The following SGCB variants were observed in gnomAD, a reference collection of about 807,000 sequenced individuals.
SGCB encodes sarcoglycan beta.
A neutral mutation model predicts 27.3 loss-of-function variants in SGCB; 25 were observed. The ratio of observed to expected loss-of-function variants is 0.92; its 90% CI spans 0.67 to 1.28. The LOEUF (loss-of-function observed/expected upper bound fraction) is 1.28. Ranked by LOEUF, SGCB falls within the 50% of genes most tolerant of loss-of-function variation. The pLI, the probability that SGCB is intolerant of heterozygous loss-of-function variation, is 0.00. For missense variants in SGCB, 436 were observed against 402.1 expected, an observed-to-expected ratio of 1.08 and a Z score of -0.72; for synonymous variants, 147 against 133.5, an observed-to-expected ratio of 1.10 and a Z score of -0.70.
intron 2 of SGCB, among the ~76,000 whole-genome samples, chr4:52,032,224 G>A (rs975216005): frequency 6.6e-6 from 1 of 152,118 alleles, no homozygotes; most frequent in African/African-American, 2.4e-5. Context: ...TCTGTTTTCA[G>A]TTCTTGCCTC....
At position 52,022,277 on chromosome 4, in the gene SGCB, G is replaced by T. The variant is rs1260412253; in HGVS notation, c.*1680C>A. 1 of 152,180 alleles carries T rather than the reference G, an allele frequency of 6.6e-6. No individual in the cohort carries two copies. Among genetic ancestry groups the T allele is most frequent in the Non-Finnish European group, 1.5e-5 (1 of 68,024 alleles). The allele number at this position is 152,180 out of a possible 1,614,324, so 9.4% of individuals were successfully genotyped here. A position where few individuals can be genotyped will look rare whatever the true frequency, so the allele number is the denominator to read the frequency against. On this transcript the variant is annotated 3_prime_UTR_variant, in exon 6 of 6. Coordinates refer to ENST00000381431, the MANE Select transcript of SGCB (RefSeq NM_000232.5). ...TCTAAGGTATTTGATTTTTCTACCA[G>T]AGAGAAATGTGACAATATTGAATAC...
chr4:52,025,966 C>G (rs1415354257), intron 5 of SGCB, among the ~76,000 whole-genome samples: 4 of 152,136 alleles, frequency 2.6e-5, no homozygotes, highest in Admixed American at 2.6e-4. Flanking sequence ...AGATGCCTAT[C>G]AGATATCAAA....
chr4:52,034,774 G>A (rs1578128565), intron 1 of SGCB, among the ~76,000 whole-genome samples: 3 of 152,056 alleles, frequency 2.0e-5, no homozygotes, highest in East Asian at 3.9e-4. Flanking sequence ...GTCCTGGGAG[G>A]GTTCCACAAA....
chr4:52,027,893 T>C, intron 5 of SGCB, 75 bp downstream of exon 5: 2 of 1,332,438 alleles, frequency 1.5e-6, no homozygotes, highest in African/African-American at 1.4e-5. Context: ...TTTCAATAAT[T>C]GTATACTATT....
At chr4:52,031,567 G>T (rs1434422730) in intron 2 of SGCB, among the ~76,000 whole-genome samples, 6 of 151,692 alleles carry the variant, frequency 4.0e-5, no homozygotes, top group Non-Finnish European at 7.4e-5. Flanking sequence ...CTTTTAAATG[G>T]CATGTTATTC....
At chr4:52,030,215 T>C (rs1451457661) in intron 2 of SGCB, among the ~76,000 whole-genome samples, 2 of 152,206 alleles carry the variant, frequency 1.3e-5, no homozygotes, top group Admixed American at 1.3e-4. Context: ...GTATTTCTTC[T>C]AAACATATAT....
chr4:52,024,169 A>G lies in SGCB; in HGVS notation c.754-9T>C. 1 of 1,607,598 alleles carries G rather than the reference A, an allele frequency of 6.2e-7. No individual in the cohort carries two copies. The highest frequency in any genetic ancestry group is 8.5e-7 in the Non-Finnish European group (1 of 1,174,710). The stretch of plus-strand genomic sequence containing the variant: ...AGGATGATACTGTTTTCCTATTAGG[A>G]GAATAGTAATATGATTTATTTACCT... On this transcript the variant is annotated splice_polypyrimidine_tract_variant and intron_variant, in intron 5 of 5. Transcript: ENST00000381431.
intron 1 of SGCB, among the ~76,000 whole-genome samples, chr4:52,034,463 G>C (rs1737334093): frequency 6.9e-6 from 1 of 145,602 alleles, no homozygotes; most frequent in Non-Finnish European, 1.5e-5. Context: ...TGTTTACATA[G>C]TGTTTACATT....
intron 1 of SGCB, 115 bp downstream of exon 1, chr4:52,038,112 C>G: frequency 1.0e-6 from 1 of 953,072 alleles, no homozygotes; most frequent in Non-Finnish European, 1.3e-6. Context: ...CCCGCCGAAC[C>G]CAGACCCTGC....
At chr4:52,025,863 T>A (rs1172301436) in intron 5 of SGCB, among the ~76,000 whole-genome samples, 1 of 152,214 alleles carries the variant, frequency 6.6e-6, no homozygotes, top group African/African-American at 2.4e-5. Context: ...GGCTTTGCTA[T>A]GGACTGATGG....
At position 52,031,443 on chromosome 4, in the gene SGCB, T is replaced by C. The variant is rs926040224; in HGVS notation, c.244-1580A>G. Among the ~76,000 whole-genome samples the C allele has an allele frequency of 2.8e-4, 42 of 148,118 alleles. 1 individual carries two copies. The highest frequency in any genetic ancestry group is 2.3e-3 in the Admixed American group (35 of 14,942). On this transcript the variant is annotated intron_variant, in intron 2 of 5. Coordinates refer to ENST00000381431, the MANE Select transcript of SGCB (RefSeq NM_000232.5). ...GTGTGTGTGTGTGTGTGTGTGTGTG[T>C]GTGTGTGCACGCGCATATCTATGAG...
At chr4:52,035,042 C>T (rs1737349657) in intron 1 of SGCB, among the ~76,000 whole-genome samples, 1 of 152,112 alleles carries the variant, frequency 6.6e-6, no homozygotes, top group Admixed American at 6.5e-5. Context: ...GAACCTGAGA[C>T]CAAAATGATT....
At chr4:52,026,500 ACCCGC>A (rs1166863116) in intron 5 of SGCB, among the ~76,000 whole-genome samples, 1 of 151,252 alleles carries the variant, frequency 6.6e-6, no homozygotes, top group African/African-American at 2.4e-5. Context: ...CTTGTGATCC[ACCCGC>A]CTTGGCTTCC....
At chr4:52,037,139 T>G (rs1737412486) in intron 1 of SGCB, among the ~76,000 whole-genome samples, 1 of 152,188 alleles carries the variant, frequency 6.6e-6, no homozygotes, top group Non-Finnish European at 1.5e-5. Flanking sequence ...AGGCACAATT[T>G]AAATACCAAC....
intron 4 of SGCB, 74 bp downstream of exon 4, chr4:52,028,656 A>G (rs1446678260): frequency 5.0e-6 from 6 of 1,189,406 alleles, no homozygotes; most frequent in East Asian, 4.7e-5. Flanking sequence ...CAACAACAGT[A>G]TAACTCTCTT....
chr4:52,035,896 T>C (rs1737377878), intron 1 of SGCB, among the ~76,000 whole-genome samples: 1 of 152,218 alleles, frequency 6.6e-6, no homozygotes, highest in Non-Finnish European at 1.5e-5. Flanking sequence ...TCCTGAGACG[T>C]AGTCTTTACT....
In SGCB at chr4:52,028,930, A is replaced by G; in HGVS notation, c.430-9T>C. 6.2e-7 allele frequency: 1 copy of G among 1,606,278 alleles called. No homozygotes were observed. The highest frequency in any genetic ancestry group is 8.5e-7 in the Non-Finnish European group (1 of 1,173,052). On this transcript the variant is annotated splice_polypyrimidine_tract_variant and intron_variant, in intron 3 of 5. Transcript: ENST00000381431. ...CCTTGCTGAAAAACAATCTTCAAAA[A>G]AAACAGTTTATTGTGAATATATTTT... is the stretch of plus-strand genomic sequence containing the variant.
Position 52,022,163 on chromosome 4 carries a change from A to G in SGCB, c.*1794T>C, listed in dbSNP as rs1252162719. ...TCACTGCAATAACACTCAAGTGGTTATAAATCTCATTCTTTTCATTTAAAA... is the reference window on the plus strand; with the variant it reads ...TCACTGCAATAACACTCAAGTGGTTGTAAATCTCATTCTTTTCATTTAAAA... On this transcript the variant is annotated 3_prime_UTR_variant, in exon 6 of 6. Coordinates refer to ENST00000381431, the MANE Select transcript of SGCB (RefSeq NM_000232.5). The G allele has an allele frequency of 6.6e-6, 1 of 152,212 alleles. No individual in the cohort carries two copies. Among genetic ancestry groups the G allele is most frequent in the African/African-American group, 2.4e-5 (1 of 41,468 alleles). 9.4% of individuals were successfully genotyped at this position (152,212 alleles called of 1,614,324 possible).
At position 52,024,468 on chromosome 4, in the gene SGCB, C is replaced by A. The variant is rs528399628; in HGVS notation, c.754-308G>T. 3.4e-4 allele frequency among the ~76,000 whole-genome samples: 51 copies of A among 152,232 alleles called. No homozygotes were observed. The South Asian group carries it at 0.01, about 31-fold the overall frequency. On this transcript the variant is annotated intron_variant, in intron 5 of 5. Coordinates refer to ENST00000381431, the MANE Select transcript of SGCB (RefSeq NM_000232.5). ...TGTTGATAAAGTTTCAGATCATTTT[C>A]ATTTGTAAGTCCTAAGAGAACTATA...
Sources: gnomAD v4.1 joint callset for allele counts (sites outside exome capture counted in the v4.1 genomes callset) on GRCh38, gnomAD v4.1.1 for gene constraint, MANE v1.5 for transcripts, NCBI Gene and HGNC (gene_info 2026-07-23, HGNC 2026-07-21) for gene names.